The following FOXN2 variants were observed in gnomAD, a reference collection of about 807,000 sequenced individuals.
The protein encoded by FOXN2 is forkhead box N2, also known as forkhead box protein N2.
FOXN2 carries 19 observed loss-of-function variants against 41.2 expected under a neutral mutation model. The observed-to-expected ratio is 0.46, with a 90% CI of 0.32 to 0.68. FOXN2 has a LOEUF of 0.68. Among genes scored for constraint, FOXN2 ranks in the 30% least tolerant of loss-of-function variants. FOXN2 has a pLI of 0.03. For synonymous variants in FOXN2, 195 were observed against 176.8 expected (o/e 1.10, Z -0.82); for missense variants, 587 against 509.4 (o/e 1.15, Z -1.47).
chr2:48,337,718 A>G (rs564063260), intron 2 of FOXN2, among the ~76,000 whole-genome samples: 2 of 152,270 alleles, frequency 1.3e-5, no homozygotes, highest in Admixed American at 1.3e-4. Context: ...TATAATTTCA[A>G]ATAGACTTAA....
intron 6 of FOXN2, among the ~76,000 whole-genome samples, chr2:48,373,832 A>G (rs567341394): frequency 6.6e-6 from 1 of 152,120 alleles, no homozygotes; most frequent in East Asian, 1.9e-4. Flanking sequence ...AGGCAGGTGG[A>G]TCACTTGAGA....
intron 5 of FOXN2, among the ~76,000 whole-genome samples, chr2:48,366,647 T>C (rs1222534170): frequency 6.6e-6 from 1 of 152,188 alleles, no homozygotes; most frequent in Non-Finnish European, 1.5e-5. Context: ...GTTGCTTACT[T>C]GATGCTTTGC....
At position 48,359,045 on chromosome 2, in the gene FOXN2, A is replaced by G. The variant is rs749254746; in HGVS notation, c.538-2A>G. On this transcript the variant is annotated splice_acceptor_variant, in intron 3 of 6. Coordinates refer to ENST00000340553, the MANE Select transcript of FOXN2 (RefSeq NM_002158.4). LOFTEE classifies it high-confidence loss of function. ...TAGTTATTCTTGTGCATTTTATTCT[A>G]GGTTAATGGAAAAGGTTCCTTATGG... is the stretch of plus-strand genomic sequence containing the variant. 1 of 1,609,544 alleles carries G rather than the reference A, an allele frequency of 6.2e-7. No homozygotes were observed. The highest frequency in any genetic ancestry group is 1.1e-5 in the South Asian group (1 of 90,682).
At position 48,376,960 on chromosome 2, in the gene FOXN2, ATTTT is replaced by A. The variant is rs1488233612; in HGVS notation, c.*1520_*1523del. The A allele has an allele frequency of 2.6e-5, 4 of 152,376 alleles. No homozygotes were observed. Among genetic ancestry groups the A allele is most frequent in the Non-Finnish European group, 5.9e-5 (4 of 67,918 alleles). 9.4% of individuals were successfully genotyped at this position (152,376 alleles called of 1,614,324 possible). ...TCAGCTGTTTCTGTGATTATAAAGCATTTTTTAAGAGACAAATTTTAACTTTTAA... is the reference window on the plus strand; with the variant it reads ...TCAGCTGTTTCTGTGATTATAAAGCATTAAGAGACAAATTTTAACTTTTAA... On this transcript the variant is annotated 3_prime_UTR_variant, in exon 7 of 7. Transcript: ENST00000340553.
At chr2:48,314,940 C>A (rs1425784608) in intron 1 of FOXN2, 126 bp downstream of exon 1, 1 of 151,938 alleles carries the variant, frequency 6.6e-6, no homozygotes, top group Non-Finnish European at 1.5e-5. Context: ...GGCGGCTGTC[C>A]CGTGACGCGC....
intron 1 of FOXN2, among the ~76,000 whole-genome samples, chr2:48,317,364 G>T (rs1305364001): frequency 6.6e-6 from 1 of 151,532 alleles, no homozygotes; most frequent in East Asian, 1.9e-4. Flanking sequence ...CAGGAGAATC[G>T]CTTGAACCTA....
chr2:48,349,881 C>CAA (rs1671346371), intron 3 of FOXN2, among the ~76,000 whole-genome samples: 1 of 152,174 alleles, frequency 6.6e-6, no homozygotes, highest in Admixed American at 6.5e-5. Flanking sequence ...GAAAAAGAAG[C>CAA]CACCCAAATT....
rs180999996 is a variant in FOXN2 at position 48,376,723 on chromosome 2, T to C, written c.*1280T>C. 1.3e-5 allele frequency: 2 copies of C among 152,624 alleles called. No homozygotes were observed. The highest frequency in any genetic ancestry group is 3.9e-4 in the East Asian group (2 of 5,190). The allele number at this position is 152,624 out of a possible 1,614,324, so 9.5% of individuals were successfully genotyped here. A position where few individuals can be genotyped will look rare whatever the true frequency, so the allele number is the denominator to read the frequency against. On this transcript the variant is annotated 3_prime_UTR_variant, in exon 7 of 7. Coordinates refer to ENST00000340553, the MANE Select transcript of FOXN2 (RefSeq NM_002158.4). ...GTTTTTCATAGTATCATTTGTATAA[T>C]TTGATTAGATTATTCAGAAACAATA...
intron 2 of FOXN2, among the ~76,000 whole-genome samples, chr2:48,332,950 C>A (rs1558616747): frequency 2.0e-5 from 3 of 152,098 alleles, no homozygotes; most frequent in African/African-American, 7.2e-5. Context: ...TCACTGTCTC[C>A]AGATGTGATT....
chr2:48,357,355 C>T (rs1671864086), intron 3 of FOXN2, among the ~76,000 whole-genome samples: 2 of 152,148 alleles, frequency 1.3e-5, no homozygotes, highest in African/African-American at 4.8e-5. Context: ...GGAGCGTAAT[C>T]TCAGGAATTC....
intron 3 of FOXN2, among the ~76,000 whole-genome samples, chr2:48,355,598 G>C (rs999629097): frequency 6.6e-6 from 1 of 152,028 alleles, no homozygotes; most frequent in Non-Finnish European, 1.5e-5. Flanking sequence ...GTCAGTGACA[G>C]AATGACAGTA....
intron 2 of FOXN2, among the ~76,000 whole-genome samples, chr2:48,331,284 A>G (rs985285710): frequency 1.3e-5 from 2 of 152,236 alleles, no homozygotes; most frequent in African/African-American, 4.8e-5. Context: ...TGGATGAAAT[A>G]TAAATTTTAA....
At chr2:48,362,729 G>A in intron 5 of FOXN2, 22 bp downstream of exon 5, 1 of 1,586,394 alleles carries the variant, frequency 6.3e-7, no homozygotes, top group Non-Finnish European at 8.7e-7. Flanking sequence ...TATCAGTACA[G>A]TCATGCACCA....
At chr2:48,355,099 G>A (rs898327344) in intron 3 of FOXN2, among the ~76,000 whole-genome samples, 42 of 152,130 alleles carry the variant, frequency 2.8e-4, no homozygotes, top group African/African-American at 8.7e-4. Context: ...ACAAGAAGAT[G>A]TATGTGAAAA....
intron 3 of FOXN2, among the ~76,000 whole-genome samples, chr2:48,355,463 C>T (rs762760848): frequency 2.6e-5 from 4 of 151,940 alleles, no homozygotes; most frequent in African/African-American, 7.3e-5. Flanking sequence ...ACTTGTAAAT[C>T]GTCTCATAAA....
chr2:48,377,094 C>T lies in FOXN2; in HGVS notation c.*1651C>T, dbSNP rs886655374. On this transcript the variant is annotated 3_prime_UTR_variant, in exon 7 of 7. Coordinates refer to ENST00000340553, the MANE Select transcript of FOXN2 (RefSeq NM_002158.4). The stretch of plus-strand genomic sequence containing the variant: ...GATAACAGTATTAATGTTCTCTGTT[C>T]TGTTTCCATGTTAAATTTAATTTAA... 2 of 151,864 alleles carry T rather than the reference C, an allele frequency of 1.3e-5. No homozygotes were observed. Among genetic ancestry groups the T allele is most frequent in the Non-Finnish European group, 2.9e-5 (2 of 67,842 alleles). The allele number at this position is 151,864 out of a possible 1,614,324, so 9.4% of individuals were successfully genotyped here.
In FOXN2 at chr2:48,373,424, A is replaced by G; in HGVS notation, c.772+64A>G. On this transcript the variant is annotated intron_variant, in intron 6 of 6. Transcript: ENST00000340553. ...CCTTTTCAAATTTAACCTAGACTAT[A>G]AAATAACTATTACAGACAAAAATTA... is the stretch of plus-strand genomic sequence containing the variant. The G allele has an allele frequency of 4.3e-6, 4 of 919,642 alleles. No homozygotes were observed. In the Middle Eastern group the frequency reaches 9.5e-4, roughly 218 times the overall value. The allele number at this position is 919,642 out of a possible 1,614,324, so 57.0% of individuals were successfully genotyped here.
At chr2:48,351,616 G>A (rs1030746738) in intron 3 of FOXN2, among the ~76,000 whole-genome samples, 17 of 152,076 alleles carry the variant, frequency 1.1e-4, no homozygotes, top group African/African-American at 3.9e-4. Flanking sequence ...TTCTCATAAG[G>A]AGCGCACAGC....
At chr2:48,343,338 T>C (rs996903472) in intron 2 of FOXN2, among the ~76,000 whole-genome samples, 5 of 152,232 alleles carry the variant, frequency 3.3e-5, no homozygotes, top group African/African-American at 1.2e-4. Context: ...AGGCAGTTAG[T>C]GCACCTTTTT....
Sources: allele counts gnomAD v4.1 joint callset (sites outside exome capture counted in the v4.1 genomes callset), GRCh38; gene constraint gnomAD v4.1.1; transcripts MANE v1.5; gene names NCBI Gene and HGNC (gene_info 2026-07-23, HGNC 2026-07-21).